CHRNA3: variants seen among roughly 807,000 people sequenced by gnomAD.
CHRNA3 encodes neuronal acetylcholine receptor subunit alpha-3.
CHRNA3 carries 34 observed loss-of-function variants against 41.9 expected under a neutral mutation model. The ratio of observed to expected loss-of-function variants is 0.81; its 90% CI spans 0.62 to 1.08. The LOEUF (loss-of-function observed/expected upper bound fraction) is 1.08. CHRNA3 is among the 50% of genes least tolerant of loss of function. CHRNA3 has a pLI of 0.00. For missense variants in CHRNA3, 542 were observed against 638.3 expected, an observed-to-expected ratio of 0.85 and a Z score of 1.63; for synonymous variants, 281 against 265.2, an observed-to-expected ratio of 1.06 and a Z score of -0.58.
chr15:78,617,765 G>A (rs1254113710), intron 3 of CHRNA3, among the ~76,000 whole-genome samples: 1 of 152,212 alleles, frequency 6.6e-6, no homozygotes, highest in African/African-American at 2.4e-5. Context: ...GGCTGTGTGT[G>A]CTGAGTGCTC....
chr15:78,618,385 A>C (rs943236432), intron 3 of CHRNA3: 1 of 565,968 alleles, frequency 1.8e-6, no homozygotes, highest in Non-Finnish European at 3.2e-6. Flanking sequence ...TCCAGGCTGC[A>C]ACCTGTCCAT....
rs958417908 is a variant in CHRNA3, at chr15:78,595,842, CCA to C, written c.*760_*761del. ...GGTTAGTGCCCTTATAAAATAGACC[CCA>C]CAGAGATAGCTAGTCCCTTCAGTCA... On this transcript the variant is annotated 3_prime_UTR_variant, in exon 6 of 6. Coordinates refer to ENST00000326828, the MANE Select transcript of CHRNA3 (RefSeq NM_000743.5). 1 of 154,292 alleles carries C rather than the reference CCA, an allele frequency of 6.5e-6. No homozygotes were observed. The highest frequency in any genetic ancestry group is 2.4e-5 in the African/African-American group (1 of 41,396). The allele number at this position is 154,292 out of a possible 1,614,324, so 9.6% of individuals were successfully genotyped here. A position where few individuals can be genotyped will look rare whatever the true frequency, so the allele number is the denominator to read the frequency against.
intron 4 of CHRNA3, among the ~76,000 whole-genome samples, chr15:78,602,787 A>G (rs184753034): frequency 9.2e-5 from 14 of 152,304 alleles, no homozygotes; most frequent in Admixed American, 9.2e-4. Flanking sequence ...GAACCTTGTC[A>G]GATGGATTTA....
intron 4 of CHRNA3, among the ~76,000 whole-genome samples, chr15:78,610,389 T>C (rs1439705923): frequency 6.6e-6 from 1 of 152,146 alleles, no homozygotes; most frequent in African/African-American, 2.4e-5. Flanking sequence ...CAGACCACAG[T>C]GCAATCAAAC....
chr15:78,594,430 A>G (rs1215419710), downstream of CHRNA3: 2 of 152,180 alleles, frequency 1.3e-5, no homozygotes, highest in African/African-American at 2.4e-5. Flanking sequence ...TAATCCAAGC[A>G]CTTTGGGAGG....
chr15:78,594,229 A>G (rs1382726454), downstream of CHRNA3: 1 of 152,200 alleles, frequency 6.6e-6, no homozygotes. Context: ...ACTCCTGTGG[A>G]CACGCAGTAG....
At position 78,596,415 on chromosome 15, in the gene CHRNA3, T is replaced by C; in HGVS notation, c.*189A>G. On this transcript the variant is annotated 3_prime_UTR_variant, in exon 6 of 6. Transcript: ENST00000326828. ...ACCAAAAAGGCTAGTTAAATGTTCA[T>C]TTATCGGTAATAAATACTCTTGACA... The C allele has an allele frequency of 1.6e-6, 2 of 1,265,422 alleles. No individual in the cohort carries two copies. Among genetic ancestry groups the C allele is most frequent in the South Asian group, 2.8e-5 (1 of 36,066 alleles). The allele number at this position is 1,265,422 out of a possible 1,614,324, so 78.4% of individuals were successfully genotyped here. A position where few individuals can be genotyped will look rare whatever the true frequency, so the allele number is the denominator to read the frequency against.
At chr15:78,613,704 AAAACTT>A (rs1465365188) in intron 4 of CHRNA3, among the ~76,000 whole-genome samples, 2 of 151,604 alleles carry the variant, frequency 1.3e-5, no homozygotes, top group African/African-American at 4.8e-5. Context: ...CATGTACCCT[AAAACTT>A]AAAGTATAAT....
chr15:78,597,839 T>C (rs1402153242), intron 5 of CHRNA3, among the ~76,000 whole-genome samples: 1 of 152,212 alleles, frequency 6.6e-6, no homozygotes, highest in Non-Finnish European at 1.5e-5. Context: ...GCTGCCTCTT[T>C]ATTATAAGTA....
chr15:78,599,525 C>T (rs2141322535), intron 5 of CHRNA3, among the ~76,000 whole-genome samples: 1 of 151,614 alleles, frequency 6.6e-6, no homozygotes, highest in Non-Finnish European at 1.5e-5. Flanking sequence ...TAGCCTGCCA[C>T]TCCCAGCCCA....
intron 4 of CHRNA3, among the ~76,000 whole-genome samples, chr15:78,616,265 A>T (rs1452262040): frequency 6.6e-6 from 1 of 151,412 alleles, no homozygotes; most frequent in African/African-American, 2.4e-5. Flanking sequence ...AGGCAGGAGG[A>T]TTTCTTGAAC....
At chr15:78,593,534 T>G (rs2141427823), downstream of CHRNA3, 1 of 220,454 alleles carries the variant, frequency 4.5e-6, no homozygotes, top group Admixed American at 5.4e-5. Context: ...ATAATACTAA[T>G]TTATAATCCA....
chr15:78,601,582 T>C lies in CHRNA3; in HGVS notation c.1060A>G (p.Met354Val), dbSNP rs1255690792. Residue 354 changes from methionine (M) to valine (V), a missense_variant, in exon 5 of 6, where the codon ATG becomes GTG. Met to Val is a conservative substitution (Grantham distance 21, BLOSUM62 1). Transcript: ENST00000326828. ...TTGCTTGTTGGCCTGGTCATGAACA[T>C]GACCCTGGGGAGCAGGTTCAAGAAT... ...TVFLNLLPRV[M>V]FMTRPTSNEG... 2 of 1,614,080 alleles carry C rather than the reference T, an allele frequency of 1.2e-6. No individual in the cohort carries two copies. Among genetic ancestry groups the C allele is most frequent in the African/African-American group, 1.3e-5 (1 of 74,940 alleles).
rs72648884 is a variant in CHRNA3 at position 78,619,091 on chromosome 15, C to G, written c.83-176G>C. 4.2e-5 allele frequency: 29 copies of G among 694,858 alleles called. 1 individual carries two copies. The highest frequency in any genetic ancestry group is 4.0e-4 in the South Asian group (21 of 52,784). The allele number at this position is 694,858 out of a possible 1,614,324, so 43.0% of individuals were successfully genotyped here. A position where few individuals can be genotyped will look rare whatever the true frequency, so the allele number is the denominator to read the frequency against. Reference sequence around the variant, plus strand: ...GGTTACAAAATGGGAAACTGAGGCCCAAGAGGGGCAGGATTCTACCTGGCC... The same window carrying G: ...GGTTACAAAATGGGAAACTGAGGCCGAAGAGGGGCAGGATTCTACCTGGCC... On this transcript the variant is annotated intron_variant, in intron 1 of 5. Transcript: ENST00000326828.
intron 4 of CHRNA3, among the ~76,000 whole-genome samples, chr15:78,615,739 A>ATTT (rs532401932): frequency 1.8e-4 from 18 of 101,852 alleles, no homozygotes; most frequent in South Asian, 3.6e-4. Flanking sequence ...AGGCACCTGT[A>ATTT]TTTTTTTTTT....
intron 4 of CHRNA3, among the ~76,000 whole-genome samples, chr15:78,616,115 G>A (rs968311245): frequency 4.6e-5 from 7 of 151,278 alleles, no homozygotes; most frequent in African/African-American, 7.3e-5. Flanking sequence ...CACTTTGGGA[G>A]GCCAAGGCAG....
chr15:78,613,677 A>T (rs1407406654), intron 4 of CHRNA3, among the ~76,000 whole-genome samples: 1 of 151,656 alleles, frequency 6.6e-6, no homozygotes, highest in Admixed American at 6.6e-5. Flanking sequence ...ATATGTAACA[A>T]ACCTGCACAT....
Position 78,620,741 on chromosome 15 carries a change from CAGCA to C in CHRNA3, c.50_53del (p.Leu17ArgfsTer36). On this transcript the variant is annotated frameshift_variant, in exon 1 of 6. Transcript: ENST00000326828. LOFTEE classifies it high-confidence loss of function. ...GCAGCAGAGACAGCAGCAGCAGCAGCAGCAGCCGCGGCGGCGACAGCGCCAGGGG... is the reference window on the plus strand; with the variant it reads ...GCAGCAGAGACAGCAGCAGCAGCAGCGCCGCGGCGGCGACAGCGCCAGGGG... 1.3e-6 allele frequency: 2 copies of C among 1,500,564 alleles called. No homozygotes were observed. Among genetic ancestry groups the C allele is most frequent in the Admixed American group, 2.1e-5 (1 of 47,868 alleles). The allele number at this position is 1,500,564 out of a possible 1,614,324, so 93.0% of individuals were successfully genotyped here. A position where few individuals can be genotyped will look rare whatever the true frequency, so the allele number is the denominator to read the frequency against.
intron 4 of CHRNA3, among the ~76,000 whole-genome samples, chr15:78,603,676 C>G (rs757154604): frequency 6.6e-6 from 1 of 152,152 alleles, no homozygotes; most frequent in African/African-American, 2.4e-5. Flanking sequence ...GGTGCATGTG[C>G]TTCTTCCTTG....
Sources: gnomAD v4.1 joint callset for allele counts (sites outside exome capture counted in the v4.1 genomes callset) on GRCh38, gnomAD v4.1.1 for gene constraint, MANE v1.5 for transcripts, NCBI Gene and HGNC (gene_info 2026-07-23, HGNC 2026-07-21) for gene names.